ZSCAN23: variants seen among roughly 807,000 people sequenced by gnomAD.
The protein encoded by ZSCAN23 is zinc finger and SCAN domain-containing protein 23.
ZSCAN23 carries 19 observed loss-of-function variants against 19.3 expected under a neutral mutation model. The ratio of observed to expected loss-of-function variants is 0.99; its 90% CI spans 0.69 to 1.45. The LOEUF (loss-of-function observed/expected upper bound fraction) is 1.45. ZSCAN23 is among the 40% of genes most tolerant of loss of function. The probability of loss-of-function intolerance (pLI) is 0.00; values close to 1 mark genes in which losing one functional copy is unlikely to be tolerated. For synonymous variants in ZSCAN23, 140 were observed against 166.2 expected, an observed-to-expected ratio of 0.84 and a Z score of 1.21; for missense variants, 372 against 462.5, an observed-to-expected ratio of 0.80 and a Z score of 1.79.
At position 28,435,979 on chromosome 6, in the gene ZSCAN23, G is replaced by T. The variant is rs1761877134; in HGVS notation, c.288C>A (p.Phe96Leu). 1 of 1,614,090 alleles carries T rather than the reference G, an allele frequency of 6.2e-7. No homozygotes were observed. Among genetic ancestry groups the T allele is most frequent in the Non-Finnish European group, 8.5e-7 (1 of 1,180,042 alleles). ...QILELLVLEQ[F>L]LTILPEELQA... ...GGAGCTCCTCAGGCAGGATAGTCAG[G>T]AACTGCTCCAGCACCAGCAGCTCTA... Residue 96 changes from phenylalanine to leucine, a missense_variant, in exon 2 of 4, where the codon TTC (phenylalanine) becomes TTA (leucine). Phe to Leu is a conservative substitution (Grantham distance 22, BLOSUM62 0). Coordinates refer to ENST00000289788, the MANE Select transcript of ZSCAN23 (RefSeq NM_001012455.2).
chr6:28,423,094 G>A, the ZSCAN23 span, among the ~76,000 whole-genome samples: 1 of 152,280 alleles, frequency 6.6e-6, no homozygotes, highest in Non-Finnish European at 1.5e-5. Flanking sequence ...AGTTTAATGA[G>A]GGTGACATTT....
In ZSCAN23 at chr6:28,436,297, A is replaced by G. The variant is rs951411662; in HGVS notation, c.-31T>C. 3 of 1,468,912 alleles carry G rather than the reference A, an allele frequency of 2.0e-6. No individual in the cohort carries two copies. Among genetic ancestry groups the G allele is most frequent in the African/African-American group, 2.8e-5 (2 of 70,436 alleles). 91.0% of individuals were successfully genotyped at this position (1,468,912 alleles called of 1,614,324 possible). A position where few individuals can be genotyped will look rare whatever the true frequency, so the allele number is the denominator to read the frequency against. On this transcript the variant is annotated 5_prime_UTR_variant, in exon 2 of 4. The change abolishes the stop of an existing upstream ORF in the 5' untranslated region. Transcript: ENST00000289788. ...GTTTAACTATTCAGAAAAATAATCT[A>G]TTCTTGATAATTCTCCCTTGATCTT...
chr6:28,442,112 C>T (rs548308857), intron 1 of ZSCAN23, among the ~76,000 whole-genome samples: 3 of 152,050 alleles, frequency 2.0e-5, no homozygotes, highest in East Asian at 1.9e-4. Context: ...CCCGACCTCA[C>T]GTGATCTGCC....
In ZSCAN23 at chr6:28,435,036, C is replaced by A. The variant is rs774920830; in HGVS notation, c.599G>T (p.Arg200Met). The A allele has an allele frequency of 6.4e-7, 1 of 1,550,514 alleles. No individual in the cohort carries two copies. The highest frequency in any genetic ancestry group is 8.7e-7 in the Non-Finnish European group (1 of 1,146,090). ...AGATTTCACTTCCTGAGAAATCTCC[C>A]TCTTTGGGGCTAACTCCACATTCCA... is the stretch of plus-strand genomic sequence containing the variant. The part of the protein sequence containing the change: ...GTWNVELAPK[R>M]EISQEVKSLI... Residue 200 changes from arginine to methionine, a missense_variant, in exon 4 of 4, where the codon AGG becomes ATG. Transcript: ENST00000289788.
At chr6:28,431,267 A>T (rs1162483314), downstream of ZSCAN23, among the ~76,000 whole-genome samples, 1 of 152,186 alleles carries the variant, frequency 6.6e-6, no homozygotes, top group Non-Finnish European at 1.5e-5. Flanking sequence ...AGAACATTGT[A>T]ATCTTTCTGA....
Position 28,434,161 on chromosome 6 carries a change from C to T in ZSCAN23, c.*304G>A, listed in dbSNP as rs956325100. ...TCAGCCTACATATAACTATTTTAAA[C>T]TTTTAAAAAAAGTTTTTAAAAACTA... On this transcript the variant is annotated 3_prime_UTR_variant, in exon 4 of 4. Transcript: ENST00000289788. The T allele has an allele frequency of 4.1e-6, 1 of 243,424 alleles. No homozygotes were observed. The highest frequency in any genetic ancestry group is 2.2e-5 in the African/African-American group (1 of 44,850). The allele number at this position is 243,424 out of a possible 1,614,324, so 15.1% of individuals were successfully genotyped here.
Position 28,433,427 on chromosome 6 carries a change from T to C in ZSCAN23, c.*1038A>G, listed in dbSNP as rs1761800924. 1 of 152,166 alleles carries C rather than the reference T, an allele frequency of 6.6e-6. No homozygotes were observed. Among genetic ancestry groups the C allele is most frequent in the Admixed American group, 6.5e-5 (1 of 15,274 alleles). The allele number at this position is 152,166 out of a possible 1,614,324, so 9.4% of individuals were successfully genotyped here. On this transcript the variant is annotated 3_prime_UTR_variant, in exon 4 of 4. Transcript: ENST00000289788. The stretch of plus-strand genomic sequence containing the variant: ...TTAGAGTGATTCTGTTATTCTAAAG[T>C]TACTTGCTATGTATTGGGTATTTGG...
chr6:28,435,911 G>T lies in ZSCAN23; in HGVS notation c.356C>A (p.Ala119Glu). 1 of 1,613,662 alleles carries T rather than the reference G, an allele frequency of 6.2e-7. No homozygotes were observed. Among genetic ancestry groups the T allele is most frequent in the South Asian group, 1.1e-5 (1 of 91,008 alleles). ...RQHRPVSGEEAVTVLEDLERE... is the reference protein window; with the variant it reads ...RQHRPVSGEEEVTVLEDLERE... ...CTCCAAATCCTCCAGCACAGTCACT[G>T]CCTCCTCTCCACTCACAGGACGGTG... Residue 119 changes from alanine (A) to glutamate (E), a missense_variant, in exon 2 of 4, where the codon GCA becomes GAA. Transcript: ENST00000289788.
chr6:28,428,786 G>A (rs910163941), downstream of ZSCAN23, among the ~76,000 whole-genome samples: 5 of 152,094 alleles, frequency 3.3e-5, no homozygotes, highest in African/African-American at 1.2e-4. Context: ...CAGTTTACTG[G>A]GTGCTTCAAA....
downstream of ZSCAN23, among the ~76,000 whole-genome samples, chr6:28,429,995 C>T (rs1391444180): frequency 4.7e-5 from 6 of 128,368 alleles, no homozygotes; most frequent in Non-Finnish European, 1.0e-4. Context: ...TTCATTTGTG[C>T]ACACCACCTG....
At chr6:28,441,168 C>T (rs1487438533) in intron 1 of ZSCAN23, among the ~76,000 whole-genome samples, 2 of 152,190 alleles carry the variant, frequency 1.3e-5, no homozygotes, top group East Asian at 1.9e-4. Context: ...AGGACATGCA[C>T]GTAGGTGAAG....
chr6:28,438,314 C>T (rs763693318), intron 1 of ZSCAN23, among the ~76,000 whole-genome samples: 1 of 152,118 alleles, frequency 6.6e-6, no homozygotes, highest in South Asian at 2.1e-4. Flanking sequence ...CCAGGCTGGT[C>T]TCGAACTCCT....
Position 28,434,648 on chromosome 6 carries a change from C to A in ZSCAN23, c.987G>T (p.Gly329=). 1 of 1,565,182 alleles carries A rather than the reference C, an allele frequency of 6.4e-7. No homozygotes were observed. The change falls in exon 4 of 4, where the codon GGG becomes GGT. Residue 329 remains glycine, a synonymous_variant. Coordinates refer to ENST00000289788, the MANE Select transcript of ZSCAN23 (RefSeq NM_001012455.2). Reference sequence around the variant, plus strand: ...ACTGATTGCACTGGTAAGGCTTCTCCCCAGTGTGAATTCTGAGGTGATGGA... The same window carrying A: ...ACTGATTGCACTGGTAAGGCTTCTCACCAGTGTGAATTCTGAGGTGATGGA... ...GLFHHLRIHT[G]EKPYQCNQCN... is the part of the protein sequence containing the mutation.
downstream of ZSCAN23, among the ~76,000 whole-genome samples, chr6:28,426,982 G>A (rs1297392496): frequency 6.6e-6 from 1 of 152,142 alleles, no homozygotes; most frequent in African/African-American, 2.4e-5. Flanking sequence ...TAGTAGAGAC[G>A]GGGTTTCACC....
At chr6:28,425,025 A>G in the ZSCAN23 span, among the ~76,000 whole-genome samples, 1 of 152,234 alleles carries the variant, frequency 6.6e-6, no homozygotes, top group African/African-American at 2.4e-5. Flanking sequence ...TTCTTAAATA[A>G]TAAGACTTGA....
the ZSCAN23 span, among the ~76,000 whole-genome samples, chr6:28,422,829 A>T: frequency 6.6e-6 from 1 of 152,252 alleles, no homozygotes; most frequent in African/African-American, 2.4e-5. The surrounding 1 kb of genome is among the most constrained non-coding windows in gnomAD (Gnocchi z 4.0). Flanking sequence ...AATGAAAGGT[A>T]TGCAGAGATT....
Position 28,434,596 on chromosome 6 carries a change from C to A in ZSCAN23, c.1039G>T (p.Val347Phe). 1 of 1,555,384 alleles carries A rather than the reference C, an allele frequency of 6.4e-7. No individual in the cohort carries two copies. The highest frequency in any genetic ancestry group is 8.7e-7 in the Non-Finnish European group (1 of 1,149,174). ...QCNKSFSRRS[V>F]LIKHQRIHTG... is the part of the protein sequence containing the mutation. ...TGAATTCTCTGATGCTTAATGAGGA[C>A]TGAACGTCGACTAAAACTCTTATTG... is the stretch of plus-strand genomic sequence containing the variant. The change falls in exon 4 of 4, where the codon GTC becomes TTC. Residue 347 changes from valine (V) to phenylalanine (F), a missense_variant. Coordinates refer to ENST00000289788, the MANE Select transcript of ZSCAN23 (RefSeq NM_001012455.2).
At chr6:28,435,265 A>C (rs1369356865) in intron 3 of ZSCAN23, among the ~76,000 whole-genome samples, 187 bp from the exon 4 acceptor site, 2 of 152,222 alleles carry the variant, frequency 1.3e-5, no homozygotes, top group Non-Finnish European at 2.9e-5. Context: ...TGGTATTATA[A>C]CTGCTTACTT....
intron 3 of ZSCAN23, 146 bp downstream of exon 3, chr6:28,435,314 G>A: frequency 1.7e-6 from 2 of 1,186,694 alleles, no homozygotes; most frequent in East Asian, 2.6e-5. Context: ...AACTTCGTGA[G>A]AGTGGGGACC....
Sources: gnomAD v4.1 joint callset for allele counts (sites outside exome capture counted in the v4.1 genomes callset) on GRCh38, gnomAD v4.1.1 for gene constraint, Gnocchi (gnomAD v3.1) non-coding constraint, MANE v1.5 for transcripts, NCBI Gene and HGNC (gene_info 2026-07-23, HGNC 2026-07-21) for gene names.